Variants in ECI1 observed in about 807,000 individuals in gnomAD.
The protein encoded by ECI1 is enoyl-CoA delta isomerase 1, also known as enoyl-CoA delta isomerase 1, mitochondrial.
ECI1 carries 34 observed loss-of-function variants against 34.2 expected under a neutral mutation model. The observed-to-expected ratio is 1.00, with a 90% CI of 0.76 to 1.33. The LOEUF is 1.33. Ranked by LOEUF, ECI1 falls within the 40% of genes most tolerant of loss-of-function variation. The pLI is 0.00. For synonymous variants in ECI1, 211 were observed against 193.0 expected (o/e 1.09, Z -0.77); for missense variants, 456 against 422.2 (o/e 1.08, Z -0.70).
At chr16:2,247,138 C>G (rs1374650962) in intron 2 of ECI1, 152 bp from the exon 3 acceptor site, 1 of 1,043,818 alleles carries the variant, frequency 9.6e-7, no homozygotes, top group South Asian at 1.5e-5. Flanking sequence ...GCTCTGTCAC[C>G]CAGGCTGGAG....
chr16:2,251,291 C>T (rs758158418), intron 2 of ECI1, 25 bp downstream of exon 2: 1 of 1,129,802 alleles, frequency 8.9e-7, no homozygotes, highest in Admixed American at 4.4e-5. Context: ...CCCACGCCCG[C>T]CCTCCCTCGG....
rs1315197156 is a variant in ECI1 at position 2,243,200 on chromosome 16, G to C, written c.588C>G (p.Thr196=). Residue 196 remains threonine (T), a synonymous_variant, in exon 6 of 7, where the codon ACC becomes ACG. Coordinates refer to ENST00000301729, the MANE Select transcript of ECI1 (RefSeq NM_001919.4). ...PFWLKDTLEN[T]IGHRAAERAL... ...CACGCTCCGCCGCCCGGTGCCCGATGGTGTTCTCCAGGGTGTCTTTCAACC... is the reference window on the plus strand; with the variant it reads ...CACGCTCCGCCGCCCGGTGCCCGATCGTGTTCTCCAGGGTGTCTTTCAACC... 2 of 1,611,216 alleles carry C rather than the reference G, an allele frequency of 1.2e-6. No individual in the cohort carries two copies. The highest frequency in any genetic ancestry group is 2.7e-5 in the African/African-American group (2 of 75,064).
intron 6 of ECI1, chr16:2,241,847 C>G: frequency 6.9e-6 from 1 of 145,182 alleles, no homozygotes; most frequent in East Asian, 2.0e-4. Flanking sequence ...CGTGCCATCA[C>G]GCCCGGCTCA....
intron 6 of ECI1, 99 bp from the exon 7 acceptor site, chr16:2,240,244 C>T (rs1285991243): frequency 2.2e-6 from 3 of 1,349,678 alleles, no homozygotes; most frequent in Non-Finnish European, 3.1e-6. Context: ...CGGAGTCTTG[C>T]TCTGTCGCCC....
At chr16:2,245,986 G>A (rs925682601) in intron 3 of ECI1, among the ~76,000 whole-genome samples, 10 of 152,166 alleles carry the variant, frequency 6.6e-5, no homozygotes, top group African/African-American at 1.7e-4. Flanking sequence ...AAGGCTGGAC[G>A]TGGCCAGCAC....
intron 3 of ECI1, among the ~76,000 whole-genome samples, chr16:2,245,394 C>G (rs746620916): frequency 1.3e-5 from 2 of 152,188 alleles, no homozygotes; most frequent in African/African-American, 2.4e-5. Context: ...CTAATGTGTG[C>G]GAGGAGGAGG....
intron 2 of ECI1, among the ~76,000 whole-genome samples, chr16:2,248,981 A>G (rs1477126411): frequency 2.0e-5 from 3 of 152,058 alleles, no homozygotes; most frequent in Non-Finnish European, 4.4e-5. Flanking sequence ...TCCACTTAGT[A>G]TCATGTGTTC....
At chr16:2,247,650 G>A (rs2093543407) in intron 2 of ECI1, among the ~76,000 whole-genome samples, 1 of 152,154 alleles carries the variant, frequency 6.6e-6, no homozygotes, top group African/African-American at 2.4e-5. Flanking sequence ...CGCTCGCCTC[G>A]GCCTCCCAAA....
At chr16:2,247,299 G>C (rs1380424462) in intron 2 of ECI1, among the ~76,000 whole-genome samples, 1 of 152,144 alleles carries the variant, frequency 6.6e-6, no homozygotes, top group Admixed American at 6.5e-5. Context: ...GTTTCACCGT[G>C]TTAGCCAGGA....
intron 2 of ECI1, 48 bp downstream of exon 2, chr16:2,251,268 C>CT: frequency 1.0e-6 from 1 of 964,948 alleles, no homozygotes; most frequent in Non-Finnish European, 1.3e-6. Context: ...CGCGGACCCC[C>CT]GCGGGTCCTG....
chr16:2,244,475 G>C lies in ECI1; in HGVS notation c.372C>G (p.Tyr124Ter), dbSNP rs778249875. Residue 124 changes from tyrosine (Y) to a stop codon, truncating the protein, a stop_gained, in exon 4 of 7, where the codon TAC becomes TAG. Transcript: ENST00000301729. LOFTEE classifies it high-confidence loss of function. ...CGRSPAHYAGYWKAVQELWLR... is the reference protein window; with the variant it reads ...CGRSPAHYAG ...GCCACAGCTCCTGAACGGCCTTCCA[G>C]TACCCAGCGTAGTGGGCGGGGCTCC... is the stretch of plus-strand genomic sequence containing the variant. 4.3e-6 allele frequency: 7 copies of C among 1,611,136 alleles called. No individual in the cohort carries two copies. Among genetic ancestry groups the C allele is most frequent in the Non-Finnish European group, 5.9e-6 (7 of 1,179,292 alleles).
rs1356403284 is a variant in ECI1 at position 2,243,160 on chromosome 16, G to C, written c.628C>G (p.Leu210Val). 4.4e-6 allele frequency: 7 copies of C among 1,607,492 alleles called. No individual in the cohort carries two copies. Among genetic ancestry groups the C allele is most frequent in the Non-Finnish European group, 5.9e-6 (7 of 1,179,746 alleles). The change falls in exon 6 of 7, where the codon CTG (leucine) becomes GTG (valine). Residue 210 changes from leucine to valine, a missense_variant. Coordinates refer to ENST00000301729, the MANE Select transcript of ECI1 (RefSeq NM_001919.4). ...AGGGCCTCCGCCGGCGGGAAGAGCAGCCCCAGCTGCAGGGCACGCTCCGCC... is the reference window on the plus strand; with the variant it reads ...AGGGCCTCCGCCGGCGGGAAGAGCACCCCCAGCTGCAGGGCACGCTCCGCC... ...RAAERALQLG[L>V]LFPPAEALQV...
In ECI1 at chr16:2,243,452, G is replaced by T. The variant is rs758576325; in HGVS notation, c.442-13C>A. 1 of 1,610,994 alleles carries T rather than the reference G, an allele frequency of 6.2e-7. No individual in the cohort carries two copies. The highest frequency in any genetic ancestry group is 8.5e-7 in the Non-Finnish European group (1 of 1,179,868). On this transcript the variant is annotated splice_polypyrimidine_tract_variant and intron_variant, in intron 4 of 6. Transcript: ENST00000301729. ...CGGGGCAGGCTCCCTGCAGGGAGAGGCCGGACAGGGCTCTTAGGTGCTGCT... is the reference window on the plus strand; with the variant it reads ...CGGGGCAGGCTCCCTGCAGGGAGAGTCCGGACAGGGCTCTTAGGTGCTGCT...
In ECI1 at chr16:2,246,885, T is replaced by A; in HGVS notation, c.268A>T (p.Ser90Cys). 3 of 1,613,436 alleles carry A rather than the reference T, an allele frequency of 1.9e-6. No homozygotes were observed. The highest frequency in any genetic ancestry group is 1.7e-6 in the Non-Finnish European group (2 of 1,180,002). ...ISLEKLENDK[S>C]FRGVILTSDR... is the part of the protein sequence containing the mutation. ...GAGGTCAGAATGACACCGCGGAAGC[T>A]CTTGTCATTCTCCAGCTTCTCCAGG... The change falls in exon 3 of 7, where the codon AGC becomes TGC. Residue 90 changes from serine to cysteine, a missense_variant. Ser to Cys is a moderately radical substitution (Grantham distance 112). Transcript: ENST00000301729.
At chr16:2,251,257 GCGCGGACCCCCGC>G in intron 2 of ECI1, 46 bp downstream of exon 2, 1 of 851,428 alleles carries the variant, frequency 1.2e-6, no homozygotes, top group Non-Finnish European at 1.5e-6. Flanking sequence ...CACCCCGCGA[GCGCGGACCCCCGC>G]GGGTCCTGAC....
chr16:2,243,072 G>A lies in ECI1; in HGVS notation c.716C>T (p.Ala239Val), dbSNP rs552676077. 7.4e-5 allele frequency: 118 copies of A among 1,603,954 alleles called. No homozygotes were observed. The highest frequency in any genetic ancestry group is 3.0e-5 in the Non-Finnish European group (35 of 1,179,730). Residue 239 changes from alanine (A) to valine (V), a missense_variant, in exon 6 of 7, where the codon GCG (alanine) becomes GTG (valine). By Grantham distance (64) the Ala-to-Val change is moderately conservative (BLOSUM62 0). Coordinates refer to ENST00000301729, the MANE Select transcript of ECI1 (RefSeq NM_001919.4). The stretch of plus-strand genomic sequence containing the variant: ...TGGAATGGCCATCCACTGGGCTATC[G>A]CTGACAGCGCAGTGCTCTGCACCTG... ...EEQVQSTALSAIAQWMAIPDH... is the reference protein window; with the variant it reads ...EEQVQSTALSVIAQWMAIPDH...
At chr16:2,248,098 T>G (rs1276869588) in intron 2 of ECI1, among the ~76,000 whole-genome samples, 2 of 151,426 alleles carry the variant, frequency 1.3e-5, no homozygotes, top group African/African-American at 2.4e-5. Flanking sequence ...TCTCTTTCTC[T>G]CTCTATCATT....
intron 2 of ECI1, among the ~76,000 whole-genome samples, chr16:2,250,426 G>C (rs970628909): frequency 3.9e-5 from 6 of 152,152 alleles, no homozygotes; most frequent in African/African-American, 1.4e-4. Flanking sequence ...GCAAAGTTGG[G>C]CACAGCCCTG....
chr16:2,249,876 C>CAAAAAAAAAAAAA lies in ECI1; in HGVS notation c.166+1427_166+1439dup, dbSNP rs869259386. Among the ~76,000 whole-genome samples, 8 of 20,350 alleles carry CAAAAAAAAAAAAA rather than the reference C, an allele frequency of 3.9e-4. 1 individual carries two copies. Among genetic ancestry groups the CAAAAAAAAAAAAA allele is most frequent in the Admixed American group, 8.6e-4 (1 of 1,164 alleles). 13.4% of individuals were successfully genotyped at this position (20,350 alleles called of 152,430 possible). On this transcript the variant is annotated intron_variant, in intron 2 of 6. Coordinates refer to ENST00000301729, the MANE Select transcript of ECI1 (RefSeq NM_001919.4). The stretch of plus-strand genomic sequence containing the variant: ...CTGGCGACAGAGCAAGACTCCGTCT[C>CAAAAAAAAAAAAA]AAAAAAAAAAAAAAAAAAAAAAAAA...
Sources: gnomAD v4.1 joint callset for allele counts (sites outside exome capture counted in the v4.1 genomes callset) on GRCh38, gnomAD v4.1.1 for gene constraint, MANE v1.5 for transcripts, NCBI Gene and HGNC (gene_info 2026-07-23, HGNC 2026-07-21) for gene names.